MARCHF10: variants seen among roughly 807,000 people sequenced by gnomAD.
MARCHF10 encodes the protein probable E3 ubiquitin-protein ligase MARCHF10.
In MARCHF10, 64 loss-of-function variants were observed where a neutral mutation model predicts 76.2. The ratio of observed to expected loss-of-function variants is 0.84; its 90% CI spans 0.69 to 1.03. The LOEUF is 1.03. Ranked by LOEUF, MARCHF10 falls within the 50% of genes least tolerant of loss-of-function variation. The probability of loss-of-function intolerance (pLI) is 0.00; values close to 1 mark genes in which losing one functional copy is unlikely to be tolerated. For missense variants in MARCHF10, 875 were observed against 958.0 expected (o/e 0.91, Z 1.14); for synonymous variants, 340 against 357.5 (o/e 0.95, Z 0.55).
intron 8 of MARCHF10, among the ~76,000 whole-genome samples, chr17:62,718,821 C>G (rs2090346532): frequency 6.6e-6 from 1 of 152,046 alleles, no homozygotes; most frequent in Non-Finnish European, 1.5e-5. Flanking sequence ...CTCAAGAAGT[C>G]CTTCTCCTCT....
intron 2 of MARCHF10, among the ~76,000 whole-genome samples, chr17:62,791,968 A>G (rs950609125): frequency 3.3e-5 from 5 of 152,044 alleles, no homozygotes; most frequent in African/African-American, 1.2e-4. Flanking sequence ...TCCCCTTTCA[A>G]TTGCACGTGT....
At chr17:62,709,255 G>A (rs981181147) in intron 9 of MARCHF10, among the ~76,000 whole-genome samples, 4 of 152,152 alleles carry the variant, frequency 2.6e-5, no homozygotes, top group South Asian at 2.1e-4. Flanking sequence ...CAAGGCAGGT[G>A]GATCACCTGA....
intron 3 of MARCHF10, among the ~76,000 whole-genome samples, chr17:62,784,800 A>G (rs2092719088): frequency 6.6e-6 from 1 of 152,220 alleles, no homozygotes; most frequent in South Asian, 2.1e-4. Context: ...TAAAATACCT[A>G]GGAATCCAAC....
chr17:62,771,563 T>C lies in MARCHF10; in HGVS notation c.211-11557A>G, dbSNP rs78456651. Among the ~76,000 whole-genome samples, 122 of 148,692 alleles carry C rather than the reference T, an allele frequency of 8.2e-4. 2 individuals are homozygous for C. In the East Asian group the frequency reaches 0.02, roughly 24 times the overall value. On this transcript the variant is annotated intron_variant, in intron 3 of 10. Transcript: ENST00000311269. The stretch of plus-strand genomic sequence containing the variant: ...CAAATAAAATGGACTGAGCTCTGCT[T>C]GTCAATATCTATTTTTTTTTTTTTT...
intron 3 of MARCHF10, among the ~76,000 whole-genome samples, chr17:62,762,030 T>TCAGCAGCAGTAGCAG (rs1429784854): frequency 6.6e-6 from 1 of 152,144 alleles, no homozygotes; most frequent in African/African-American, 2.4e-5. Flanking sequence ...AACACCTGTG[T>TCAGCAGCAGTAGCAG]CAGCAGCAGT....
chr17:62,773,900 T>TG (rs1254279082), intron 3 of MARCHF10, among the ~76,000 whole-genome samples: 2 of 152,210 alleles, frequency 1.3e-5, no homozygotes, highest in Non-Finnish European at 2.9e-5. Flanking sequence ...TCTCCAGCAG[T>TG]GGTCAGTGGC....
intron 5 of MARCHF10, among the ~76,000 whole-genome samples, chr17:62,741,679 A>G (rs2091509076): frequency 6.6e-6 from 1 of 152,126 alleles, no homozygotes; most frequent in South Asian, 2.1e-4. Context: ...AAAAATGTTT[A>G]TTAGCCATCT....
chr17:62,804,365 C>T (rs768092713), intron 1 of MARCHF10, among the ~76,000 whole-genome samples: 1 of 151,502 alleles, frequency 6.6e-6, no homozygotes, highest in Admixed American at 6.6e-5. Context: ...AGAATGGGAA[C>T]GAAAAGAGAA....
chr17:62,748,405 AAAACAAACAAAC>A (rs147656820), intron 4 of MARCHF10, among the ~76,000 whole-genome samples: 3 of 147,774 alleles, frequency 2.0e-5, no homozygotes, highest in East Asian at 2.0e-4. Context: ...CTCCATCTCA[AAAACAAACAAAC>A]AAACAAACAA....
At chr17:62,726,815 G>C (rs1180394740) in intron 6 of MARCHF10, among the ~76,000 whole-genome samples, 2 of 152,022 alleles carry the variant, frequency 1.3e-5, no homozygotes, top group Non-Finnish European at 2.9e-5. Flanking sequence ...TTTTAGTAGA[G>C]ATAGGGTTTC....
At position 62,738,308 on chromosome 17, in the gene MARCHF10, C is replaced by T. The variant is rs1028079453; in HGVS notation, c.536-976G>A. Among the ~76,000 whole-genome samples the T allele has an allele frequency of 7.2e-5, 11 of 152,162 alleles. No individual in the cohort carries two copies. The highest frequency in any genetic ancestry group is 3.2e-3 in the Middle Eastern group (1 of 316). ...GTTAGCCCTTAAGAAACTGGCTGGC[C>T]TTCCGATTTCCTTGTGAAAATGAGA... On this transcript the variant is annotated intron_variant, in intron 5 of 10. Transcript: ENST00000311269. The surrounding 1 kb of genome is among the most constrained non-coding windows in gnomAD (Gnocchi z 4.0).
intron 8 of MARCHF10, among the ~76,000 whole-genome samples, chr17:62,715,415 C>T (rs948715332): frequency 2.6e-5 from 4 of 152,232 alleles, no homozygotes; most frequent in African/African-American, 9.6e-5. Context: ...GAGTGTGTAA[C>T]CTGTGACCTA....
intron 1 of MARCHF10, among the ~76,000 whole-genome samples, chr17:62,802,543 C>T (rs548605378): frequency 2.6e-5 from 4 of 152,168 alleles, no homozygotes; most frequent in East Asian, 3.9e-4. Context: ...ATCCAGGGTG[C>T]GAGACTGACT....
chr17:62,703,839 C>T (rs942859949), intron 10 of MARCHF10, among the ~76,000 whole-genome samples: 1 of 152,248 alleles, frequency 6.6e-6, no homozygotes, highest in Non-Finnish European at 1.5e-5. Flanking sequence ...CCGGAGACGT[C>T]GGTCTTCCCT....
At chr17:62,754,407 G>A (rs1237939503) in intron 4 of MARCHF10, among the ~76,000 whole-genome samples, 2 of 152,284 alleles carry the variant, frequency 1.3e-5, no homozygotes, top group East Asian at 3.9e-4. Flanking sequence ...AAATACAAGT[G>A]TCTTTGGTCA....
At position 62,705,710 on chromosome 17, in the gene MARCHF10, C is replaced by T. The variant is rs182599309; in HGVS notation, c.2329-129G>A. The T allele has an allele frequency of 5.9e-5, 68 of 1,156,266 alleles. No homozygotes were observed. The East Asian group carries it at 1.7e-3, about 29-fold the overall frequency. 71.6% of individuals were successfully genotyped at this position (1,156,266 alleles called of 1,614,324 possible). A position where few individuals can be genotyped will look rare whatever the true frequency, so the allele number is the denominator to read the frequency against. ...CACTTTAAAGGGGCAGGAAAATGGG[C>T]AGAGGTGCTGAGGGCTGGGTGAGTG... On this transcript the variant is annotated intron_variant, in intron 9 of 10. Transcript: ENST00000311269.
chr17:62,791,614 T>C (rs1021130662), intron 2 of MARCHF10, among the ~76,000 whole-genome samples: 1 of 152,198 alleles, frequency 6.6e-6, no homozygotes, highest in Non-Finnish European at 1.5e-5. Context: ...TACTTAAACT[T>C]TTATCTTGAC....
chr17:62,724,729 C>T (rs2090665580), intron 7 of MARCHF10, among the ~76,000 whole-genome samples: 1 of 152,048 alleles, frequency 6.6e-6, no homozygotes, highest in Non-Finnish European at 1.5e-5. Context: ...AAAAACAAAC[C>T]AAAACAAAAA....
rs2091279834 is a variant in MARCHF10, at chr17:62,736,667, G to A, written c.1201C>T (p.Leu401Phe). Residue 401 changes from leucine (L) to phenylalanine (F), a missense_variant, in exon 6 of 11, where the codon CTT becomes TTT. Leu to Phe is a conservative substitution (Grantham distance 22). Coordinates refer to ENST00000311269, the MANE Select transcript of MARCHF10 (RefSeq NM_152598.4). ...GGSENAKKSP[L>F]SWDTKSEPRQ... ...GGCTCGGATTTGGTGTCCCACGAAA[G>A]AGGGCTCTTTTTCGCATTTTCACTG... 3 of 1,614,168 alleles carry A rather than the reference G, an allele frequency of 1.9e-6. No homozygotes were observed. The highest frequency in any genetic ancestry group is 2.2e-5 in the South Asian group (2 of 91,076).
Sources: allele counts gnomAD v4.1 joint callset (sites outside exome capture counted in the v4.1 genomes callset), GRCh38; gene constraint gnomAD v4.1.1; non-coding constraint Gnocchi (gnomAD v3.1); transcripts MANE v1.5; gene names NCBI Gene and HGNC (gene_info 2026-07-23, HGNC 2026-07-21).